SGPL1: variants seen among roughly 807,000 people sequenced by gnomAD.
SGPL1 encodes the protein SP-lyase 1.
SGPL1 carries 37 observed loss-of-function variants against 68.9 expected under a neutral mutation model. That is an observed-to-expected ratio of 0.54 (90% CI 0.41 to 0.71). The LOEUF (loss-of-function observed/expected upper bound fraction) is 0.71. SGPL1 is among the 30% of genes least tolerant of loss of function. SGPL1 has a pLI of 0.00. For missense variants in SGPL1, 551 were observed against 704.6 expected, an observed-to-expected ratio of 0.78 and a Z score of 2.47; for synonymous variants, 236 against 248.5, an observed-to-expected ratio of 0.95 and a Z score of 0.47.
intron 7 of SGPL1, among the ~76,000 whole-genome samples, chr10:70,867,444 T>C (rs1204242395): frequency 6.6e-6 from 1 of 151,820 alleles, no homozygotes; most frequent in Non-Finnish European, 1.5e-5. Flanking sequence ...GCGCCTGTAA[T>C]CCGAGCTACT....
intron 2 of SGPL1, among the ~76,000 whole-genome samples, chr10:70,817,536 C>T (rs986823073): frequency 1.3e-5 from 2 of 152,202 alleles, no homozygotes; most frequent in Non-Finnish European, 2.9e-5. Context: ...ACTCCCACTT[C>T]AAGTGATCCT....
chr10:70,821,813 G>A (rs1238481931), intron 2 of SGPL1, among the ~76,000 whole-genome samples: 1 of 152,156 alleles, frequency 6.6e-6, no homozygotes, highest in African/African-American at 2.4e-5. Context: ...AGGTTAACGT[G>A]TCTGTTATTG....
chr10:70,857,043 G>A (rs189116489), intron 5 of SGPL1: 243 of 154,438 alleles, frequency 1.6e-3, no homozygotes, highest in Admixed American at 3.9e-3. Flanking sequence ...GTTTTATGTG[G>A]GTTTCCAGGC....
chr10:70,829,113 C>CA (rs1329033580), intron 2 of SGPL1, among the ~76,000 whole-genome samples: 3 of 152,170 alleles, frequency 2.0e-5, no homozygotes, highest in Admixed American at 1.3e-4. Flanking sequence ...TCCCAACAAT[C>CA]ACGACCACAA....
Position 70,859,372 on chromosome 10 carries a change from C to A in SGPL1, c.488C>A (p.Ala163Asp). The A allele has an allele frequency of 6.7e-7, 1 of 1,493,632 alleles. No individual in the cohort carries two copies. The highest frequency in any genetic ancestry group is 8.9e-7 in the Non-Finnish European group (1 of 1,118,984). 92.5% of individuals were successfully genotyped at this position (1,493,632 alleles called of 1,614,324 possible). A position where few individuals can be genotyped will look rare whatever the true frequency, so the allele number is the denominator to read the frequency against. Reference sequence around the variant, plus strand: ...ACATCTGCTTGCATTTTTTTGCAGGCTTATGGAGATTTTGCATGGAGTAAC... The same window carrying A: ...ACATCTGCTTGCATTTTTTTGCAGGATTATGGAGATTTTGCATGGAGTAAC... ...EEKLTELLVK[A>D]YGDFAWSNPL... is the part of the protein sequence containing the mutation. The change falls in exon 7 of 15, where the codon GCT becomes GAT. Residue 163 changes from alanine to aspartate, a missense_variant and splice_region_variant. Transcript: ENST00000373202.
intron 7 of SGPL1, chr10:70,866,453 G>A (rs1846189045): frequency 1.3e-5 from 2 of 152,162 alleles, no homozygotes; most frequent in Admixed American, 1.3e-4. Flanking sequence ...AAGTCCACTG[G>A]TGTTTGCATA....
At chr10:70,870,596 A>T (rs1379819589) in intron 9 of SGPL1, among the ~76,000 whole-genome samples, 1 of 151,956 alleles carries the variant, frequency 6.6e-6, no homozygotes, top group Non-Finnish European at 1.5e-5. Flanking sequence ...TATGCCTCAC[A>T]TTTGTGTAGA....
chr10:70,839,871 A>G (rs947756931), intron 2 of SGPL1, among the ~76,000 whole-genome samples: 3 of 152,024 alleles, frequency 2.0e-5, no homozygotes, highest in African/African-American at 7.2e-5. Context: ...GGCCACACAT[A>G]AAATATACTA....
chr10:70,825,871 A>G (rs574715429), intron 2 of SGPL1, among the ~76,000 whole-genome samples: 2 of 152,348 alleles, frequency 1.3e-5, no homozygotes, highest in Admixed American at 6.5e-5. Context: ...TTTTTAAAAG[A>G]CATAAATATA....
At chr10:70,827,732 C>T (rs1845461181) in intron 2 of SGPL1, among the ~76,000 whole-genome samples, 1 of 151,954 alleles carries the variant, frequency 6.6e-6, no homozygotes, top group African/African-American at 2.4e-5. Context: ...CTTAATTATC[C>T]AGGTCAGTAA....
intron 7 of SGPL1, among the ~76,000 whole-genome samples, chr10:70,863,427 T>G (rs2131923918): frequency 6.6e-6 from 1 of 152,194 alleles, no homozygotes; most frequent in East Asian, 1.9e-4. Flanking sequence ...TCCATGAGCC[T>G]TACCTGATTC....
intron 2 of SGPL1, among the ~76,000 whole-genome samples, chr10:70,842,231 T>G (rs541708839): frequency 6.6e-6 from 1 of 152,326 alleles, no homozygotes; most frequent in Non-Finnish European, 1.5e-5. Context: ...ATGAATATCC[T>G]TGAACATGTT....
intron 3 of SGPL1, among the ~76,000 whole-genome samples, chr10:70,848,449 A>T (rs1845824471): frequency 7.3e-6 from 1 of 136,764 alleles, no homozygotes; most frequent in Admixed American, 7.7e-5. Context: ...TGATTACCTC[A>T]CGTACTTTTT....
intron 2 of SGPL1, among the ~76,000 whole-genome samples, chr10:70,826,496 T>TGG (rs1845440691): frequency 6.6e-6 from 1 of 152,236 alleles, no homozygotes; most frequent in Non-Finnish European, 1.5e-5. Flanking sequence ...CCCTCCATTT[T>TGG]AATTAAAAAT....
At chr10:70,848,568 G>T (rs1481793337) in intron 3 of SGPL1, among the ~76,000 whole-genome samples, 1 of 146,862 alleles carries the variant, frequency 6.8e-6, no homozygotes, top group Non-Finnish European at 1.5e-5. Context: ...GGGTTCAAGC[G>T]ATTCACTTGC....
chr10:70,834,255 C>A (rs1207615398), intron 2 of SGPL1, among the ~76,000 whole-genome samples: 1 of 151,868 alleles, frequency 6.6e-6, no homozygotes, highest in Non-Finnish European at 1.5e-5. Context: ...GTATTCTGAC[C>A]CAAGAAGATG....
chr10:70,837,435 G>T (rs1218052899), intron 2 of SGPL1, among the ~76,000 whole-genome samples: 3 of 152,126 alleles, frequency 2.0e-5, no homozygotes, highest in Non-Finnish European at 4.4e-5. Context: ...TGTTGTCTTG[G>T]CCTCTTTTTC....
chr10:70,859,286 C>T (rs1285607534), intron 6 of SGPL1, 85 bp from the exon 7 acceptor site: 15 of 1,047,034 alleles, frequency 1.4e-5, no homozygotes, highest in Non-Finnish European at 1.8e-5. Flanking sequence ...GTGCCTAATA[C>T]TTAGAAACTG....
At position 70,843,668 on chromosome 10, in the gene SGPL1, GCT is replaced by G. The variant is rs369518948; in HGVS notation, c.28-803_28-802del. On this transcript the variant is annotated intron_variant, in intron 2 of 14. Coordinates refer to ENST00000373202, the MANE Select transcript of SGPL1 (RefSeq NM_003901.4). ...GTTTACAGAGGACAGGTTTTTTCTT[GCT>G]CGTACCAGGTGTTGTGAGGAATACA... Among the ~76,000 whole-genome samples, 765 of 152,274 alleles carry G rather than the reference GCT, an allele frequency of 5.0e-3. 4 individuals carry two copies. Among genetic ancestry groups the G allele is most frequent in the African/African-American group, 0.016 (685 of 41,566 alleles).
Sources: gnomAD v4.1 joint callset for allele counts (sites outside exome capture counted in the v4.1 genomes callset) on GRCh38, gnomAD v4.1.1 for gene constraint, MANE v1.5 for transcripts, NCBI Gene and HGNC (gene_info 2026-07-23, HGNC 2026-07-21) for gene names.